ENOX1: variants seen among roughly 807,000 people sequenced by gnomAD.
ENOX1 encodes the protein ecto-NOX disulfide-thiol exchanger 1, also known as candidate growth-related and time keeping constitutive hydroquinone (NADH) oxidase.
ENOX1 carries 42 observed loss-of-function variants against 82.5 expected under a neutral mutation model. The observed-to-expected ratio is 0.51, with a 90% CI of 0.40 to 0.66. The LOEUF is 0.66. Among genes scored for constraint, ENOX1 ranks in the 30% least tolerant of loss-of-function variants. The pLI, the probability that ENOX1 is intolerant of heterozygous loss-of-function variation, is 0.00. For synonymous variants in ENOX1, 271 were observed against 282.2 expected (o/e 0.96, Z 0.40); for missense variants, 608 against 811.6 (o/e 0.75, Z 3.05).
intron 13 of ENOX1, among the ~76,000 whole-genome samples, chr13:43,267,866 AT>A (rs1355675459): frequency 6.6e-6 from 1 of 152,216 alleles, no homozygotes; most frequent in African/African-American, 2.4e-5. Context: ...TGAAATTAAT[AT>A]TGCAGATTTA....
chr13:43,572,151 A>G (rs1016811207), intron 2 of ENOX1, among the ~76,000 whole-genome samples: 1 of 152,120 alleles, frequency 6.6e-6, no homozygotes, highest in African/African-American at 2.4e-5. Context: ...AAAGCAAAAT[A>G]CTGAATCAGG....
chr13:43,689,215 T>G (rs1482887019), intron 1 of ENOX1, among the ~76,000 whole-genome samples: 1 of 151,074 alleles, frequency 6.6e-6, no homozygotes, highest in East Asian at 2.0e-4. Flanking sequence ...GCTACCAGGA[T>G]CTACCACCAG....
chr13:43,646,265 A>C (rs1034194071), intron 2 of ENOX1, among the ~76,000 whole-genome samples: 19 of 152,358 alleles, frequency 1.2e-4, no homozygotes, highest in Admixed American at 1.2e-3. Flanking sequence ...TGAATCAGGC[A>C]GGCTAACTTG....
chr13:43,455,082 G>A (rs1016178721), intron 3 of ENOX1, among the ~76,000 whole-genome samples: 1 of 152,074 alleles, frequency 6.6e-6, no homozygotes, highest in South Asian at 2.1e-4. Flanking sequence ...CCTCATTTTT[G>A]TAGAGCACAT....
At chr13:43,269,310 A>G (rs2044554552) in intron 13 of ENOX1, among the ~76,000 whole-genome samples, 160 bp downstream of exon 13, 1 of 152,236 alleles carries the variant, frequency 6.6e-6, no homozygotes, top group African/African-American at 2.4e-5. Flanking sequence ...GAATGAGGTT[A>G]TAAATTCCGC....
chr13:43,337,028 G>A (rs762025018), intron 9 of ENOX1, among the ~76,000 whole-genome samples: 2 of 152,094 alleles, frequency 1.3e-5, no homozygotes, highest in Non-Finnish European at 2.9e-5. Flanking sequence ...TATTGATAAC[G>A]GTACTCTAAT....
intron 1 of ENOX1, among the ~76,000 whole-genome samples, chr13:43,688,472 G>A (rs892977643): frequency 6.6e-5 from 10 of 152,162 alleles, no homozygotes; most frequent in African/African-American, 2.4e-4. Context: ...GATAAGAAAT[G>A]CTTAGCCTTT....
At chr13:43,236,589 C>A in intron 15 of ENOX1, 47 bp downstream of exon 15, 1 of 1,143,224 alleles carries the variant, frequency 8.7e-7, no homozygotes, top group Admixed American at 2.6e-5. Context: ...AGTTAATTAC[C>A]TAATAATTAT....
rs115354971 is a variant in ENOX1 at position 43,388,880 on chromosome 13, C to T, written c.208+23036G>A. On this transcript the variant is annotated intron_variant, in intron 5 of 16. Transcript: ENST00000690772. ...TCTTATCCAACTGTGAGTCTGGAAA[C>T]ACTGCCTAATTATTAACTAGCAGGT... Among the ~76,000 whole-genome samples, 387 of 152,176 alleles carry T rather than the reference C, an allele frequency of 2.5e-3. 1 individual carries two copies. Among genetic ancestry groups the T allele is most frequent in the African/African-American group, 8.9e-3 (370 of 41,508 alleles).
At chr13:43,738,498 A>G (rs2089737825) in intron 1 of ENOX1, among the ~76,000 whole-genome samples, 1 of 152,052 alleles carries the variant, frequency 6.6e-6, no homozygotes, top group East Asian at 1.9e-4. Flanking sequence ...ATAATCCACC[A>G]CTCACCCACA....
chr13:43,754,134 G>A (rs1221063299), intron 1 of ENOX1, among the ~76,000 whole-genome samples: 15 of 87,928 alleles, frequency 1.7e-4, no homozygotes, highest in East Asian at 3.0e-4. Flanking sequence ...ACGTATATAC[G>A]TATATACACA....
chr13:43,471,380 C>T (rs2058060074), intron 3 of ENOX1, among the ~76,000 whole-genome samples: 1 of 151,904 alleles, frequency 6.6e-6, no homozygotes, highest in African/African-American at 2.4e-5. Flanking sequence ...GAAATTCACT[C>T]ATAAAAGTTG....
chr13:43,777,960 A>T (rs960760090), intron 1 of ENOX1, among the ~76,000 whole-genome samples: 1 of 152,182 alleles, frequency 6.6e-6, no homozygotes, highest in Non-Finnish European at 1.5e-5. Flanking sequence ...TTACACTCAC[A>T]TGCTCAGTAT....
intron 13 of ENOX1, among the ~76,000 whole-genome samples, chr13:43,267,088 T>C (rs2044419522): frequency 6.6e-6 from 1 of 152,186 alleles, no homozygotes; most frequent in Admixed American, 6.5e-5. Flanking sequence ...TGTGCTCCAT[T>C]GCCAGAACCG....
rs529032067 is a variant in ENOX1, at chr13:43,647,592, C to G, written c.-219+19887G>C. Among the ~76,000 whole-genome samples, 73 of 152,282 alleles carry G rather than the reference C, an allele frequency of 4.8e-4. 1 individual carries two copies. The highest frequency in any genetic ancestry group is 1.6e-3 in the African/African-American group (67 of 41,556). ...AAATGACTTAGGAAGACTCTCTGTTCTGCAATATACATTCTGGAAGAGAAA... is the reference window on the plus strand; with the variant it reads ...AAATGACTTAGGAAGACTCTCTGTTGTGCAATATACATTCTGGAAGAGAAA... On this transcript the variant is annotated intron_variant, in intron 2 of 16. Coordinates refer to ENST00000690772, the MANE Select transcript of ENOX1 (RefSeq NM_001347969.2).
At chr13:43,625,572 A>G (rs1197528994) in intron 2 of ENOX1, among the ~76,000 whole-genome samples, 1 of 151,996 alleles carries the variant, frequency 6.6e-6, no homozygotes, top group African/African-American at 2.4e-5. Flanking sequence ...AATTTAATCA[A>G]ATGATTTTTC....
At chr13:43,256,104 A>G (rs1481371368) in intron 14 of ENOX1, among the ~76,000 whole-genome samples, 1 of 152,180 alleles carries the variant, frequency 6.6e-6, no homozygotes, top group African/African-American at 2.4e-5. Flanking sequence ...AACAGTATGC[A>G]GAAGAATGAA....
At chr13:43,307,737 C>T (rs1049896684) in intron 11 of ENOX1, among the ~76,000 whole-genome samples, 14 of 152,210 alleles carry the variant, frequency 9.2e-5, no homozygotes, top group African/African-American at 3.1e-4. Flanking sequence ...TGAATGCTTG[C>T]GTAAATCCTA....
intron 2 of ENOX1, among the ~76,000 whole-genome samples, chr13:43,584,452 G>C (rs1426764599): frequency 1.3e-5 from 2 of 152,188 alleles, no homozygotes; most frequent in Non-Finnish European, 2.9e-5. Context: ...GTGGCAGGGT[G>C]AACAGTCCTA....
Sources: allele counts gnomAD v4.1 joint callset (sites outside exome capture counted in the v4.1 genomes callset), GRCh38; gene constraint gnomAD v4.1.1; transcripts MANE v1.5; gene names NCBI Gene and HGNC (gene_info 2026-07-23, HGNC 2026-07-21).